The following MB21D2 variants were observed in gnomAD, a reference collection of about 807,000 sequenced individuals.
The protein encoded by MB21D2 is nucleotidyltransferase MB21D2.
A neutral mutation model predicts 33.3 loss-of-function variants in MB21D2; 9 were observed. That is an observed-to-expected ratio of 0.27 (90% CI 0.16 to 0.47). MB21D2 has a LOEUF of 0.47. Ranked by LOEUF, MB21D2 falls within the 20% of genes least tolerant of loss-of-function variation. The pLI, the probability that MB21D2 is intolerant of heterozygous loss-of-function variation, is 0.99. For missense variants in MB21D2, 540 were observed against 624.6 expected, an observed-to-expected ratio of 0.86 and a Z score of 1.44; for synonymous variants, 241 against 236.3, an observed-to-expected ratio of 1.02 and a Z score of -0.18.
In MB21D2 at chr3:192,815,268, G is replaced by A. The variant is rs369559698; in HGVS notation, c.212-15618C>T. 4.6e-5 allele frequency among the ~76,000 whole-genome samples: 7 copies of A among 152,276 alleles called. No individual in the cohort carries two copies. The South Asian group carries it at 1.2e-3, about 27-fold the overall frequency. On this transcript the variant is annotated intron_variant, in intron 1 of 1. Coordinates refer to ENST00000392452, the MANE Select transcript of MB21D2 (RefSeq NM_178496.4). ...GCCATGGTATGTATGAGGTTGCTAAGGCCCAGAAAGCAAAGGTGACACAGC... is the reference window on the plus strand; with the variant it reads ...GCCATGGTATGTATGAGGTTGCTAAAGCCCAGAAAGCAAAGGTGACACAGC...
intron 1 of MB21D2, among the ~76,000 whole-genome samples, chr3:192,813,880 G>A (rs1174810329): frequency 6.6e-6 from 1 of 152,148 alleles, no homozygotes; most frequent in African/African-American, 2.4e-5. Flanking sequence ...CAGACTGCCT[G>A]GGTTACTGAT....
At chr3:192,881,672 T>C (rs565197669) in intron 1 of MB21D2, among the ~76,000 whole-genome samples, 183 of 152,114 alleles carry the variant, frequency 1.2e-3, no homozygotes, top group Middle Eastern at 3.4e-3. Flanking sequence ...CCAAGAGAAA[T>C]AAGCTATTCG....
intron 1 of MB21D2, among the ~76,000 whole-genome samples, chr3:192,869,266 A>AAAGG (rs1203888925): frequency 8.6e-6 from 1 of 116,878 alleles, no homozygotes; most frequent in Admixed American, 8.5e-5. Context: ...AAAAAAAAAG[A>AAAGG]AAGGAAGGAA....
At chr3:192,843,847 C>G (rs73890340) in intron 1 of MB21D2, among the ~76,000 whole-genome samples, 3,346 of 152,188 alleles carry the variant, frequency 0.022, 111 homozygotes, top group African/African-American at 0.076. Flanking sequence ...TACACAGCCC[C>G]CAGCCCAGCC....
chr3:192,853,708 T>G (rs1312409548), intron 1 of MB21D2, among the ~76,000 whole-genome samples: 1 of 152,218 alleles, frequency 6.6e-6, no homozygotes, highest in African/African-American at 2.4e-5. Context: ...GATGGTGCAT[T>G]GCTTTACTGT....
intron 1 of MB21D2, among the ~76,000 whole-genome samples, chr3:192,808,317 A>T (rs1711709992): frequency 6.6e-6 from 1 of 152,228 alleles, no homozygotes; most frequent in Non-Finnish European, 1.5e-5. Context: ...AATAGCACTG[A>T]ATGAAATGAA....
At chr3:192,855,982 A>G (rs1211748588) in intron 1 of MB21D2, among the ~76,000 whole-genome samples, 2 of 152,210 alleles carry the variant, frequency 1.3e-5, no homozygotes, top group Non-Finnish European at 2.9e-5. Flanking sequence ...ACTTGAACCT[A>G]TGAGGCAAAG....
At chr3:192,819,629 C>T (rs1471760640) in intron 1 of MB21D2, among the ~76,000 whole-genome samples, 2 of 152,152 alleles carry the variant, frequency 1.3e-5, no homozygotes, top group Non-Finnish European at 2.9e-5. Flanking sequence ...ATCAAGCTGC[C>T]TATTTCCCAA....
At chr3:192,854,852 G>A (rs1712882944) in intron 1 of MB21D2, among the ~76,000 whole-genome samples, 1 of 152,200 alleles carries the variant, frequency 6.6e-6, no homozygotes, top group African/African-American at 2.4e-5. Context: ...TCTGTTTACA[G>A]CGTGGTGAAT....
In MB21D2 at chr3:192,798,598, TGGC is replaced by T. The variant is rs1251083950; in HGVS notation, c.1261_1263del (p.Ala421del). 6.2e-7 allele frequency: 1 copy of T among 1,614,134 alleles called. No homozygotes were observed. The highest frequency in any genetic ancestry group is 1.3e-5 in the African/African-American group (1 of 75,066). Reference sequence around the variant, plus strand: ...CTCTGGAGCTCCAGTGTCAGCCGGTTGGCTGCCTTGACATGCTCAATGGCGGTG... The same window carrying T: ...CTCTGGAGCTCCAGTGTCAGCCGGTTTGCCTTGACATGCTCAATGGCGGTG... On this transcript the variant is annotated inframe_deletion, in exon 2 of 2. Transcript: ENST00000392452. This position sits in a 1 kb window ranked among gnomAD's most constrained non-coding sequence, Gnocchi z 4.8.
Position 192,917,820 on chromosome 3 carries a change from G to C in MB21D2, c.21C>G (p.Thr7=). 1 of 1,610,316 alleles carries C rather than the reference G, an allele frequency of 6.2e-7. No individual in the cohort carries two copies. MKMAAP[T]ANKAASLGCN... ...AGCCCAGGGAGGCTGCCTTGTTGGC[G>C]GTGGGAGCCGCCATCTTCATGCAAA... Residue 7 remains threonine, a synonymous_variant, in exon 1 of 2, where the codon ACC becomes ACG. Transcript: ENST00000392452.
intron 1 of MB21D2, among the ~76,000 whole-genome samples, chr3:192,881,509 C>T (rs890028763): frequency 1.3e-5 from 2 of 152,138 alleles, no homozygotes; most frequent in East Asian, 3.8e-4. Context: ...ACAAAATACC[C>T]TAAACGTATA....
intron 1 of MB21D2, among the ~76,000 whole-genome samples, chr3:192,916,379 C>A (rs921771983): frequency 2.0e-5 from 3 of 152,134 alleles, no homozygotes; most frequent in African/African-American, 7.2e-5. Context: ...AGGATAGAAG[C>A]AGCAACAGCC....
Position 192,891,369 on chromosome 3 carries a change from ATAAT to A in MB21D2, c.211+26257_211+26260del, listed in dbSNP as rs751374028. On this transcript the variant is annotated intron_variant, in intron 1 of 1. Coordinates refer to ENST00000392452, the MANE Select transcript of MB21D2 (RefSeq NM_178496.4). The stretch of plus-strand genomic sequence containing the variant: ...AATGTAATAGAACAAGAGCAGGAAA[ATAAT>A]TAATAAATAGAACAAAATAATTAAT... Among the ~76,000 whole-genome samples, 9 of 152,320 alleles carry A rather than the reference ATAAT, an allele frequency of 5.9e-5. No individual in the cohort carries two copies. The East Asian group carries it at 1.3e-3, about 23-fold the overall frequency.
chr3:192,891,835 C>T (rs186925881), intron 1 of MB21D2, among the ~76,000 whole-genome samples: 182 of 152,130 alleles, frequency 1.2e-3, no homozygotes, highest in African/African-American at 4.2e-3. Flanking sequence ...GGAAGCCCTT[C>T]CCAAAAATGT....
chr3:192,869,283 AAGGAGGGG>A (rs1245156766), intron 1 of MB21D2, among the ~76,000 whole-genome samples: 7 of 113,636 alleles, frequency 6.2e-5, no homozygotes, highest in Admixed American at 1.8e-4. Flanking sequence ...GGAAGGAAGG[AAGGAGGGG>A]AGGAGGGGAG....
rs1711506735 is a variant in MB21D2 at position 192,799,291 on chromosome 3, A to T, written c.571T>A (p.Ser191Thr). The T allele has an allele frequency of 1.2e-6, 2 of 1,614,214 alleles. No homozygotes were observed. Among genetic ancestry groups the T allele is most frequent in the Non-Finnish European group, 1.7e-6 (2 of 1,180,044 alleles). The change falls in exon 2 of 2, where the codon TCT becomes ACT. Residue 191 changes from serine to threonine, a missense_variant. Ser to Thr is a moderately conservative substitution (Grantham distance 58). Transcript: ENST00000392452. This position sits in a 1 kb window ranked among gnomAD's most constrained non-coding sequence, Gnocchi z 4.1. Reference sequence around the variant, plus strand: ...ATTTCTGATAGGACAATGCTGATAGAGTCATAGAACCAGTCAGCCACTTTG... The same window carrying T: ...ATTTCTGATAGGACAATGCTGATAGTGTCATAGAACCAGTCAGCCACTTTG... ...PTKVADWFYD[S>T]ISIVLSEIQK...
chr3:192,864,344 A>G (rs1024470630), intron 1 of MB21D2, among the ~76,000 whole-genome samples: 2 of 152,190 alleles, frequency 1.3e-5, no homozygotes, highest in African/African-American at 2.4e-5. Flanking sequence ...GAAACCCCGC[A>G]GGTGCTCAGA....
chr3:192,890,273 T>C (rs756484312), intron 1 of MB21D2, among the ~76,000 whole-genome samples: 1 of 151,914 alleles, frequency 6.6e-6, no homozygotes, highest in African/African-American at 2.4e-5. Flanking sequence ...GATGATCTAT[T>C]TGCACTGATC....
Sources: gnomAD v4.1 joint callset for allele counts (sites outside exome capture counted in the v4.1 genomes callset) on GRCh38, gnomAD v4.1.1 for gene constraint, Gnocchi (gnomAD v3.1) non-coding constraint, MANE v1.5 for transcripts, NCBI Gene and HGNC (gene_info 2026-07-23, HGNC 2026-07-21) for gene names.